DMXL1: variants seen among roughly 807,000 people sequenced by gnomAD.
DMXL1 encodes dmX-like protein 1.
DMXL1 carries 99 observed loss-of-function variants against 319.2 expected under a neutral mutation model. That is an observed-to-expected ratio of 0.31 (90% CI 0.26 to 0.37). DMXL1 has a LOEUF of 0.37. DMXL1 is among the 10% of genes least tolerant of loss of function. The pLI is 1.00. For synonymous variants in DMXL1, 1,385 were observed against 1,235.2 expected, an observed-to-expected ratio of 1.12 and a Z score of -2.54; for missense variants, 3,745 against 3,595.6, an observed-to-expected ratio of 1.04 and a Z score of -1.06.
intron 34 of DMXL1, among the ~76,000 whole-genome samples, 187 bp downstream of exon 34, chr5:119,207,083 T>G (rs1436827569): frequency 1.3e-5 from 2 of 152,210 alleles, no homozygotes; most frequent in East Asian, 3.8e-4. Context: ...TTTTGTTAGA[T>G]AAGAGAATGC....
chr5:119,086,293 C>G (rs1433514185), intron 1 of DMXL1, among the ~76,000 whole-genome samples: 2 of 152,178 alleles, frequency 1.3e-5, no homozygotes, highest in Non-Finnish European at 2.9e-5. Context: ...TTCCACAACA[C>G]ATGGAAATTA....
Position 119,248,665 on chromosome 5 carries a change from G to A in DMXL1, c.*1446G>A, listed in dbSNP as rs1790129444. The stretch of plus-strand genomic sequence containing the variant: ...ATGAAGGGCTGGTAAAATGAATTTT[G>A]TAATATCCTCAGGATACTTTTATCT... On this transcript the variant is annotated 3_prime_UTR_variant, in exon 44 of 44. Coordinates refer to ENST00000539542, the MANE Select transcript of DMXL1 (RefSeq NM_001290321.3). 1 of 152,434 alleles carries A rather than the reference G, an allele frequency of 6.6e-6. No individual in the cohort carries two copies. The highest frequency in any genetic ancestry group is 2.1e-4 in the South Asian group (1 of 4,834). The allele number at this position is 152,434 out of a possible 1,614,324, so 9.4% of individuals were successfully genotyped here. A position where few individuals can be genotyped will look rare whatever the true frequency, so the allele number is the denominator to read the frequency against.
chr5:119,072,195 A>G (rs1051070144), intron 1 of DMXL1, among the ~76,000 whole-genome samples: 2 of 152,146 alleles, frequency 1.3e-5, no homozygotes, highest in Admixed American at 6.5e-5. Context: ...AAGAAAAAAA[A>G]GCCTTTTCAT....
At chr5:119,080,224 A>G (rs559761963) in intron 1 of DMXL1, among the ~76,000 whole-genome samples, 2 of 152,042 alleles carry the variant, frequency 1.3e-5, no homozygotes, top group Non-Finnish European at 2.9e-5. Context: ...GTGGGTGCCT[A>G]TGATCTCAGC....
At chr5:119,106,413 T>C (rs1758357219) in intron 4 of DMXL1, among the ~76,000 whole-genome samples, 1 of 152,144 alleles carries the variant, frequency 6.6e-6, no homozygotes, top group African/African-American at 2.4e-5. Context: ...CATAATTTAT[T>C]GGGAGCCATT....
chr5:119,161,382 G>A (rs796751683), intron 19 of DMXL1, among the ~76,000 whole-genome samples: 2 of 152,360 alleles, frequency 1.3e-5, no homozygotes, highest in African/African-American at 4.8e-5. Flanking sequence ...ATTATCGTTT[G>A]GGTTCTGAAG....
At chr5:119,101,739 G>C (rs1249465629) in intron 2 of DMXL1, among the ~76,000 whole-genome samples, 196 bp from the exon 3 acceptor site, 1 of 152,156 alleles carries the variant, frequency 6.6e-6, no homozygotes, top group Non-Finnish European at 1.5e-5. Flanking sequence ...AGATTAAGTT[G>C]CTAGTTAACG....
At chr5:119,195,531 A>G (rs774517292) in intron 30 of DMXL1, among the ~76,000 whole-genome samples, 1 of 152,228 alleles carries the variant, frequency 6.6e-6, no homozygotes, top group African/African-American at 2.4e-5. Context: ...AGAATAGTGA[A>G]ATACATAAAG....
chr5:119,082,993 G>C (rs1435799634), intron 1 of DMXL1, among the ~76,000 whole-genome samples: 1 of 152,120 alleles, frequency 6.6e-6, no homozygotes, highest in East Asian at 1.9e-4. Context: ...ATGTCACTTA[G>C]AATGACCTCC....
intron 1 of DMXL1, among the ~76,000 whole-genome samples, chr5:119,092,294 C>CT (rs1387408035): frequency 4.7e-5 from 7 of 150,370 alleles, no homozygotes; most frequent in African/African-American, 1.2e-4. Context: ...AATTCTTTTT[C>CT]TTTTTTTTTC....
At position 119,150,223 on chromosome 5, in the gene DMXL1, A is replaced by G. The variant is rs1769464234; in HGVS notation, c.4396A>G (p.Thr1466Ala). The change falls in exon 18 of 44, where the codon ACA (threonine) becomes GCA (alanine). Residue 1466 changes from threonine to alanine, a missense_variant. Coordinates refer to ENST00000539542, the MANE Select transcript of DMXL1 (RefSeq NM_001290321.3). ...TATGTTAGAGACAGATGAAGAAAAT[A>G]CAAAGCCTAGAGTTATTGACCTTTC... ...THMLETDEENTKPRVIDLSQY... is the reference protein window; with the variant it reads ...THMLETDEENAKPRVIDLSQY... 6.2e-7 allele frequency: 1 copy of G among 1,613,704 alleles called. No homozygotes were observed. The highest frequency in any genetic ancestry group is 1.3e-5 in the African/African-American group (1 of 74,884).
chr5:119,206,280 GA>G (rs2150480755), intron 33 of DMXL1, among the ~76,000 whole-genome samples: 1 of 151,930 alleles, frequency 6.6e-6, no homozygotes, highest in South Asian at 2.1e-4. Flanking sequence ...AAAAGTCTTG[GA>G]ACAACTCTTT....
At chr5:119,104,132 C>G (rs955540650) in intron 3 of DMXL1, 1 of 152,092 alleles carries the variant, frequency 6.6e-6, no homozygotes, top group African/African-American at 2.4e-5. Context: ...ATGGAGTATT[C>G]TTGTGAGGTG....
intron 15 of DMXL1, among the ~76,000 whole-genome samples, chr5:119,145,020 T>G (rs750393188): frequency 4.0e-5 from 6 of 151,804 alleles, no homozygotes; most frequent in Non-Finnish European, 7.4e-5. Context: ...ATTTAAAAAC[T>G]AATTGTCTTA....
intron 21 of DMXL1, among the ~76,000 whole-genome samples, chr5:119,166,065 G>A (rs971330403): frequency 3.9e-5 from 6 of 152,168 alleles, no homozygotes; most frequent in African/African-American, 1.4e-4. Context: ...AATTCACTTA[G>A]AATTTTTCTC....
intron 1 of DMXL1, among the ~76,000 whole-genome samples, chr5:119,079,158 A>G (rs1751638650): frequency 1.3e-5 from 2 of 152,096 alleles, no homozygotes; most frequent in Admixed American, 1.3e-4. Flanking sequence ...CCTTTCTTGT[A>G]CCTTCTGAAA....
At chr5:119,111,145 AT>A (rs199996538) in intron 5 of DMXL1, among the ~76,000 whole-genome samples, 1,670 of 152,330 alleles carry the variant, frequency 0.011, 31 homozygotes, top group African/African-American at 0.037. Context: ...GGGAAATTAA[AT>A]TAGAGTCTTT....
intron 33 of DMXL1, among the ~76,000 whole-genome samples, chr5:119,205,123 A>G (rs1331759425): frequency 9.9e-5 from 15 of 152,196 alleles, no homozygotes; most frequent in South Asian, 2.1e-4. Context: ...TTAGACAAAC[A>G]TGAATGTATT....
chr5:119,148,879 G>T lies in DMXL1; in HGVS notation c.3052G>T (p.Asp1018Tyr), dbSNP rs1769161856. ...TGCCACGTCAAAGAATGGAAAAATT[G>T]ATCTTGCATACATTTGGGAAGAATG... is the stretch of plus-strand genomic sequence containing the variant. ...ESATSKNGKI[D>Y]LAYIWEEWPL... The change falls in exon 18 of 44, where the codon GAT (aspartate) becomes TAT (tyrosine). Residue 1018 changes from aspartate to tyrosine, a missense_variant. Around this residue, in one of 4 missense-constraint regions of DMXL1, gnomAD observed 2,096 missense variants for 1,985.4 expected, o/e 1.06. Coordinates refer to ENST00000539542, the MANE Select transcript of DMXL1 (RefSeq NM_001290321.3). 6.2e-7 allele frequency: 1 copy of T among 1,613,784 alleles called. No individual in the cohort carries two copies. Among genetic ancestry groups the T allele is most frequent in the South Asian group, 1.1e-5 (1 of 91,066 alleles).
Sources: allele counts gnomAD v4.1 joint callset (sites outside exome capture counted in the v4.1 genomes callset), GRCh38; gene constraint gnomAD v4.1.1; regional missense constraint gnomAD v4.1.1; transcripts MANE v1.5; gene names NCBI Gene and HGNC (gene_info 2026-07-23, HGNC 2026-07-21).